Variants in TCF7L1 observed in about 807,000 individuals in gnomAD.
The protein encoded by TCF7L1 is transcription factor 7 like 1, also known as transcription factor 7-like 1.
TCF7L1 carries 18 observed loss-of-function variants against 63.7 expected under a neutral mutation model. The observed-to-expected ratio is 0.28, with a 90% CI of 0.20 to 0.42. TCF7L1 has a LOEUF of 0.42. TCF7L1 is among the 10% of genes least tolerant of loss of function. The probability of loss-of-function intolerance (pLI) is 1.00; values close to 1 mark genes in which losing one functional copy is unlikely to be tolerated. For missense variants in TCF7L1, 654 were observed against 779.3 expected (o/e 0.84, Z 1.91); for synonymous variants, 355 against 340.9 (o/e 1.04, Z -0.46).
Position 85,252,042 on chromosome 2 carries a change from TCCA to T in TCF7L1, c.442-31452_442-31450del, listed in dbSNP as rs1680602068. On this transcript the variant is annotated intron_variant, in intron 3 of 11. Transcript: ENST00000282111. ...GTGAGCTGTGATTGCGCCACTGCAC[TCCA>T]GCCTGGGTAACAGAGTAAGATCCTC... Among the ~76,000 whole-genome samples the T allele has an allele frequency of 2.0e-5, 3 of 152,286 alleles. No individual in the cohort carries two copies. In the South Asian group the frequency reaches 6.2e-4, roughly 32 times the overall value.
intron 3 of TCF7L1, among the ~76,000 whole-genome samples, chr2:85,175,693 G>A (rs1006511640): frequency 6.6e-6 from 1 of 152,212 alleles, no homozygotes; most frequent in Non-Finnish European, 1.5e-5. Flanking sequence ...TGCCTAAATA[G>A]TAGTGAACAG....
chr2:85,134,138 C>G lies in TCF7L1; in HGVS notation c.313+59C>G, dbSNP rs530350556. The G allele has an allele frequency of 1.9e-6, 3 of 1,581,748 alleles. No individual in the cohort carries two copies. Among genetic ancestry groups the G allele is most frequent in the African/African-American group, 2.7e-5 (2 of 73,424 alleles). ...ATTCCCGCTGCGCTCCGCTGCTCAG[C>G]CCGGGCGGCCCACCGTCCCCCTTGC... On this transcript the variant is annotated intron_variant, in intron 2 of 11. Transcript: ENST00000282111. The surrounding 1 kb of genome is among the most constrained non-coding windows in gnomAD (Gnocchi z 5.0).
intron 6 of TCF7L1, 74 bp from the exon 7 acceptor site, chr2:85,304,181 C>G: frequency 6.8e-7 from 1 of 1,477,376 alleles, no homozygotes; most frequent in Non-Finnish European, 9.4e-7. Context: ...TTTCTCATCC[C>G]TTCTTCCCAA....
intron 3 of TCF7L1, among the ~76,000 whole-genome samples, chr2:85,259,181 A>T (rs1558648792): frequency 6.6e-6 from 1 of 152,350 alleles, no homozygotes; most frequent in Middle Eastern, 3.4e-3. Context: ...GTATTTGTGG[A>T]ATGAGCGGCC....
chr2:85,251,770 T>C (rs1484877637), intron 3 of TCF7L1, among the ~76,000 whole-genome samples: 1 of 152,170 alleles, frequency 6.6e-6, no homozygotes, highest in Admixed American at 6.5e-5. Context: ...CAAATTCCGA[T>C]TGCAATTCAG....
chr2:85,164,662 A>G (rs1678375480), intron 3 of TCF7L1, among the ~76,000 whole-genome samples: 1 of 152,234 alleles, frequency 6.6e-6, no homozygotes, highest in South Asian at 2.1e-4. Flanking sequence ...TCACTAACTG[A>G]AAATTGGCAT....
At chr2:85,213,845 C>T (rs1679627719) in intron 3 of TCF7L1, among the ~76,000 whole-genome samples, 1 of 152,148 alleles carries the variant, frequency 6.6e-6, no homozygotes, top group South Asian at 2.1e-4. Flanking sequence ...TGTGTCATTT[C>T]GACTGAAACG....
chr2:85,239,944 T>TAAAAAAAAAA (rs11337671), intron 3 of TCF7L1, among the ~76,000 whole-genome samples: 4 of 104,352 alleles, frequency 3.8e-5, no homozygotes, highest in Admixed American at 9.8e-5. Context: ...AGACTCCATC[T>TAAAAAAAAAA]AAAAAAAAAA....
chr2:85,244,516 AG>A (rs140880966), intron 3 of TCF7L1, among the ~76,000 whole-genome samples: 7,956 of 152,262 alleles, frequency 0.052, 288 homozygotes, highest in Non-Finnish European at 0.078. Context: ...AGCAAGAGGA[AG>A]AAGAGTTAGG....
chr2:85,162,896 C>T lies in TCF7L1; in HGVS notation c.441+28446C>T, dbSNP rs941477123. On this transcript the variant is annotated intron_variant, in intron 3 of 11. Coordinates refer to ENST00000282111, the MANE Select transcript of TCF7L1 (RefSeq NM_031283.3). ...AAAGTCCTTTTCAGCTCCCTTTTTCCCACCATTCCCCGCTGTTCATCCGAA... is the reference window on the plus strand; with the variant it reads ...AAAGTCCTTTTCAGCTCCCTTTTTCTCACCATTCCCCGCTGTTCATCCGAA... Among the ~76,000 whole-genome samples, 15 of 152,172 alleles carry T rather than the reference C, an allele frequency of 9.9e-5. 1 individual carries two copies. Among genetic ancestry groups the T allele is most frequent in the South Asian group, 4.1e-4 (2 of 4,820 alleles).
chr2:85,219,069 C>T (rs1572996865), intron 3 of TCF7L1, among the ~76,000 whole-genome samples: 1 of 152,060 alleles, frequency 6.6e-6, no homozygotes, highest in African/African-American at 2.4e-5. Context: ...GAGAGGATGG[C>T]TTGAGCCCAG....
Position 85,309,537 on chromosome 2 carries a change from C to G in TCF7L1, c.*75C>G. ...ATTCAGAAGAAAAAGAAAAAGGAGACTTTATTGGTCAATATTTGACCACTC... is the reference window on the plus strand; with the variant it reads ...ATTCAGAAGAAAAAGAAAAAGGAGAGTTTATTGGTCAATATTTGACCACTC... On this transcript the variant is annotated 3_prime_UTR_variant, in exon 12 of 12. Coordinates refer to ENST00000282111, the MANE Select transcript of TCF7L1 (RefSeq NM_031283.3). 6.9e-7 allele frequency: 1 copy of G among 1,458,262 alleles called. No individual in the cohort carries two copies. Among genetic ancestry groups the G allele is most frequent in the Non-Finnish European group, 9.2e-7 (1 of 1,088,838 alleles). The allele number at this position is 1,458,262 out of a possible 1,614,324, so 90.3% of individuals were successfully genotyped here.
At chr2:85,153,401 G>A (rs1429345897) in intron 3 of TCF7L1, among the ~76,000 whole-genome samples, 3 of 134,816 alleles carry the variant, frequency 2.2e-5, no homozygotes, top group Admixed American at 8.4e-5. Context: ...GAGTACAGTG[G>A]CACGATCTTG....
chr2:85,255,117 T>C (rs1221208497), intron 3 of TCF7L1, among the ~76,000 whole-genome samples: 1 of 151,846 alleles, frequency 6.6e-6, no homozygotes, highest in African/African-American at 2.4e-5. Context: ...GCCTCAAGAG[T>C]GTGTCTTGAG....
intron 3 of TCF7L1, among the ~76,000 whole-genome samples, chr2:85,175,467 G>A (rs935052960): frequency 6.6e-5 from 10 of 152,190 alleles, no homozygotes; most frequent in Admixed American, 5.9e-4. Context: ...GAGCCACGGG[G>A]GCAAGTGCTT....
At chr2:85,149,025 C>G (rs1457847139) in intron 3 of TCF7L1, among the ~76,000 whole-genome samples, 1 of 152,052 alleles carries the variant, frequency 6.6e-6, no homozygotes, top group Non-Finnish European at 1.5e-5. Context: ...GTGATCCACC[C>G]GCCTTGGCCT....
chr2:85,227,231 C>G (rs904465987), intron 3 of TCF7L1, among the ~76,000 whole-genome samples: 3 of 152,136 alleles, frequency 2.0e-5, no homozygotes, highest in East Asian at 1.9e-4. Flanking sequence ...CACTTAGCTC[C>G]GCTCACTGCA....
At chr2:85,204,037 T>G (rs1306558337) in intron 3 of TCF7L1, among the ~76,000 whole-genome samples, 2 of 152,120 alleles carry the variant, frequency 1.3e-5, no homozygotes, top group Non-Finnish European at 2.9e-5. Context: ...AATGAAAGAT[T>G]TATTTCATTA....
chr2:85,194,928 CA>C (rs1262644892), intron 3 of TCF7L1, among the ~76,000 whole-genome samples: 2 of 152,170 alleles, frequency 1.3e-5, no homozygotes, highest in Non-Finnish European at 2.9e-5. Flanking sequence ...GTCCTTATTG[CA>C]AAAGGTTCAA....
Sources: gnomAD v4.1 joint callset for allele counts (sites outside exome capture counted in the v4.1 genomes callset) on GRCh38, gnomAD v4.1.1 for gene constraint, Gnocchi (gnomAD v3.1) non-coding constraint, MANE v1.5 for transcripts, NCBI Gene and HGNC (gene_info 2026-07-23, HGNC 2026-07-21) for gene names.